The following VAV2 variants were observed in gnomAD, a reference collection of about 807,000 sequenced individuals.
VAV2 encodes the protein guanine nucleotide exchange factor VAV2.
VAV2 carries 67 observed loss-of-function variants against 132.5 expected under a neutral mutation model. The ratio of observed to expected loss-of-function variants is 0.51; its 90% CI spans 0.42 to 0.62. The LOEUF (loss-of-function observed/expected upper bound fraction) is 0.62, where lower values mean the gene tolerates loss of function less well. Among genes scored for constraint, VAV2 ranks in the 20% least tolerant of loss-of-function variants. The probability of loss-of-function intolerance (pLI) is 0.00; values close to 1 mark genes in which losing one functional copy is unlikely to be tolerated. For synonymous variants in VAV2, 492 were observed against 443.5 expected (o/e 1.11, Z -1.37); for missense variants, 938 against 1,153.6 (o/e 0.81, Z 2.71).
chr9:133,964,069 A>AT lies in VAV2; in HGVS notation c.205-24851_205-24850insA, dbSNP rs1491248432. Among the ~76,000 whole-genome samples the AT allele has an allele frequency of 4.7e-4, 59 of 126,116 alleles. 1 individual carries two copies. Among genetic ancestry groups the AT allele is most frequent in the Middle Eastern group, 4.0e-3 (1 of 250 alleles). The allele number at this position is 126,116 out of a possible 152,430, so 82.7% of individuals were successfully genotyped here. A position where few individuals can be genotyped will look rare whatever the true frequency, so the allele number is the denominator to read the frequency against. On this transcript the variant is annotated intron_variant, in intron 1 of 29. Coordinates refer to ENST00000371850, the MANE Select transcript of VAV2 (RefSeq NM_001134398.2). ...TATATACATATATATACATATATAT[A>AT]AATGAATAGGCCAGGTATGTTGGCT...
intron 7 of VAV2, among the ~76,000 whole-genome samples, 161 bp from the exon 8 acceptor site, chr9:133,807,487 T>G (rs1018172932): frequency 6.6e-6 from 1 of 152,042 alleles, no homozygotes. Context: ...GCTCCATTCT[T>G]TGGAGGTGAG....
intron 10 of VAV2, among the ~76,000 whole-genome samples, chr9:133,796,732 G>A (rs1352945733): frequency 1.3e-5 from 2 of 152,182 alleles, no homozygotes; most frequent in Non-Finnish European, 1.5e-5. Flanking sequence ...CCACCCTGCC[G>A]TGTCTGCACT....
intron 3 of VAV2, among the ~76,000 whole-genome samples, chr9:133,842,338 G>A (rs910428494): frequency 2.6e-5 from 4 of 152,222 alleles, no homozygotes; most frequent in Admixed American, 6.5e-5. Context: ...GCTGCTCCAC[G>A]TGACCCTGGT....
At chr9:133,861,856 A>C (rs1205322630) in intron 2 of VAV2, among the ~76,000 whole-genome samples, 3 of 152,240 alleles carry the variant, frequency 2.0e-5, no homozygotes, top group African/African-American at 7.2e-5. Context: ...TTCAGAGATG[A>C]GGAAATGGGA....
intron 20 of VAV2, 48 bp downstream of exon 20, chr9:133,780,646 A>G: frequency 9.1e-6 from 10 of 1,102,122 alleles, no homozygotes; most frequent in Non-Finnish European, 1.2e-5. Flanking sequence ...GCACACAGGG[A>G]TGTGGCGGGG....
chr9:133,780,972 C>A (rs937674370), intron 19 of VAV2, among the ~76,000 whole-genome samples: 2 of 152,198 alleles, frequency 1.3e-5, no homozygotes, highest in Non-Finnish European at 2.9e-5. Flanking sequence ...GGGTAATAGA[C>A]CTGAGCTGGC....
chr9:133,799,642 G>A (rs1834853745), intron 9 of VAV2, among the ~76,000 whole-genome samples: 2 of 152,150 alleles, frequency 1.3e-5, no homozygotes, highest in Non-Finnish European at 2.9e-5. Flanking sequence ...TGTGTTGACT[G>A]GGAGCCACTT....
At position 133,919,874 on chromosome 9, in the gene VAV2, G is replaced by A. The variant is rs972636915; in HGVS notation, c.321+19229C>T. Among the ~76,000 whole-genome samples, 9 of 152,024 alleles carry A rather than the reference G, an allele frequency of 5.9e-5. No homozygotes were observed. Among genetic ancestry groups the A allele is most frequent in the East Asian group, 5.8e-4 (3 of 5,166 alleles). On this transcript the variant is annotated intron_variant, in intron 2 of 29. Coordinates refer to ENST00000371850, the MANE Select transcript of VAV2 (RefSeq NM_001134398.2). The surrounding 1 kb of genome is among the most constrained non-coding windows in gnomAD (Gnocchi z 5.8). ...CCCACCACCCAACCGCATGTCCTCCGCGGAGCCCAGAGTCAGTTCTGCTGG... is the reference window on the plus strand; with the variant it reads ...CCCACCACCCAACCGCATGTCCTCCACGGAGCCCAGAGTCAGTTCTGCTGG...
At chr9:133,829,962 T>C (rs1402223900) in intron 4 of VAV2, among the ~76,000 whole-genome samples, 7 of 152,148 alleles carry the variant, frequency 4.6e-5, no homozygotes, top group South Asian at 2.1e-4. Flanking sequence ...TGTTTCCAGC[T>C]CCTGGTTCCA....
chr9:133,954,671 G>A (rs1841687572), intron 1 of VAV2, among the ~76,000 whole-genome samples: 1 of 152,240 alleles, frequency 6.6e-6, no homozygotes, highest in African/African-American at 2.4e-5. Context: ...GGTCTGTGAT[G>A]TGTGTGTCCT....
intron 3 of VAV2, among the ~76,000 whole-genome samples, chr9:133,848,583 C>T (rs563968005): frequency 1.3e-5 from 2 of 152,352 alleles, no homozygotes; most frequent in East Asian, 1.9e-4. Context: ...ACCAGATGGC[C>T]GATCCCAGGG....
chr9:133,968,519 C>T (rs1351143693), intron 1 of VAV2, among the ~76,000 whole-genome samples: 5 of 152,166 alleles, frequency 3.3e-5, no homozygotes, highest in East Asian at 3.9e-4. Context: ...GGAAGAGAAA[C>T]GCGCTCGGGG....
chr9:133,779,955 C>A lies in VAV2; in HGVS notation c.1741-16G>T. On this transcript the variant is annotated splice_polypyrimidine_tract_variant and intron_variant, in intron 20 of 29. Transcript: ENST00000371850. ...CGGAGGCGTCCTGTGAGGACAAGGA[C>A]AGAACACAGAGATGAGGGAAGGCTG... The A allele has an allele frequency of 6.2e-7, 1 of 1,612,422 alleles. No individual in the cohort carries two copies. Among genetic ancestry groups the A allele is most frequent in the Non-Finnish European group, 8.5e-7 (1 of 1,179,634 alleles).
chr9:133,975,004 C>A (rs976955309), intron 1 of VAV2, among the ~76,000 whole-genome samples: 3 of 152,248 alleles, frequency 2.0e-5, no homozygotes, highest in Non-Finnish European at 2.9e-5. Context: ...CAGAACCCAG[C>A]GTGCGTCATG....
chr9:133,765,314 T>C (rs1428797032), intron 29 of VAV2, among the ~76,000 whole-genome samples: 4 of 152,180 alleles, frequency 2.6e-5, no homozygotes, highest in Non-Finnish European at 5.9e-5. Context: ...CAGTAGAACA[T>C]AGCAAATATA....
At chr9:133,874,292 C>T (rs1838175950) in intron 2 of VAV2, among the ~76,000 whole-genome samples, 1 of 152,254 alleles carries the variant, frequency 6.6e-6, no homozygotes, top group South Asian at 2.1e-4. Flanking sequence ...ATGCTGCTCT[C>T]TCATTCCCAG....
intron 26 of VAV2, among the ~76,000 whole-genome samples, chr9:133,771,062 CTT>C (rs148597917): frequency 1.0e-4 from 12 of 117,678 alleles, no homozygotes; most frequent in Admixed American, 8.3e-4. Context: ...TATGGATTTT[CTT>C]TTTTTTTTTT....
At chr9:133,767,708 A>G (rs941781783) in intron 29 of VAV2, among the ~76,000 whole-genome samples, 1 of 152,150 alleles carries the variant, frequency 6.6e-6, no homozygotes, top group Non-Finnish European at 1.5e-5. Context: ...TGGACAATGG[A>G]AGGGTCAGCA....
chr9:133,960,157 A>G (rs1841921208), intron 1 of VAV2, among the ~76,000 whole-genome samples: 1 of 152,226 alleles, frequency 6.6e-6, no homozygotes, highest in Non-Finnish European at 1.5e-5. Context: ...GTGAAAAAGC[A>G]GCAAATGAAC....
Sources: allele counts gnomAD v4.1 joint callset (sites outside exome capture counted in the v4.1 genomes callset), GRCh38; gene constraint gnomAD v4.1.1; non-coding constraint Gnocchi (gnomAD v3.1); transcripts MANE v1.5; gene names NCBI Gene and HGNC (gene_info 2026-07-23, HGNC 2026-07-21).